The following PCDH9 variants were observed in gnomAD, a reference collection of about 807,000 sequenced individuals.
The protein encoded by PCDH9 is protocadherin 9, also known as protocadherin-9.
PCDH9 carries 24 observed loss-of-function variants against 70.6 expected under a neutral mutation model. That is an observed-to-expected ratio of 0.34 (90% CI 0.25 to 0.48). The LOEUF (loss-of-function observed/expected upper bound fraction) is 0.48, where lower values mean the gene tolerates loss of function less well. Ranked by LOEUF, PCDH9 falls within the 20% of genes least tolerant of loss-of-function variation. The pLI, the probability that PCDH9 is intolerant of heterozygous loss-of-function variation, is 0.99. For missense variants in PCDH9, 1,281 were observed against 1,503.6 expected (o/e 0.85, Z 2.45); for synonymous variants, 562 against 558.5 (o/e 1.01, Z -0.09).
intron 2 of PCDH9, among the ~76,000 whole-genome samples, chr13:66,947,011 A>C (rs965670230): frequency 1.3e-5 from 2 of 152,152 alleles, no homozygotes; most frequent in Non-Finnish European, 2.9e-5. Flanking sequence ...CACAAGGATA[A>C]AAAATGTTAA....
intron 2 of PCDH9, chr13:67,206,294 T>C (rs1164964571): frequency 6.6e-6 from 1 of 152,282 alleles, no homozygotes; most frequent in Non-Finnish European, 1.5e-5. Flanking sequence ...GTCTCCCGAG[T>C]AGCTGGGACT....
At chr13:66,729,295 T>G (rs371727379) in intron 3 of PCDH9, among the ~76,000 whole-genome samples, 1 of 152,136 alleles carries the variant, frequency 6.6e-6, no homozygotes, top group African/African-American at 2.4e-5. Flanking sequence ...GGCTCAAAAT[T>G]CATCATAAAT....
At chr13:66,872,457 G>C (rs2081711694) in intron 3 of PCDH9, among the ~76,000 whole-genome samples, 1 of 152,000 alleles carries the variant, frequency 6.6e-6, no homozygotes, top group African/African-American at 2.4e-5. Flanking sequence ...ATAATGTTTA[G>C]AGAAGCATTA....
intron 2 of PCDH9, among the ~76,000 whole-genome samples, chr13:66,939,350 T>C (rs963425076): frequency 2.6e-5 from 4 of 152,128 alleles, no homozygotes; most frequent in African/African-American, 9.7e-5. Flanking sequence ...TTACTTAATG[T>C]AAACAAGTAA....
At chr13:66,511,369 C>T (rs1343120072) in intron 4 of PCDH9, among the ~76,000 whole-genome samples, 2 of 152,052 alleles carry the variant, frequency 1.3e-5, no homozygotes, top group African/African-American at 4.8e-5. Flanking sequence ...TTTAACCTCC[C>T]TGAGTATTAA....
At chr13:66,586,972 G>A (rs2076970892) in intron 4 of PCDH9, among the ~76,000 whole-genome samples, 1 of 151,936 alleles carries the variant, frequency 6.6e-6, no homozygotes, top group Admixed American at 6.6e-5. Flanking sequence ...TAACTTATTA[G>A]CAGGAAAAAT....
intron 2 of PCDH9, among the ~76,000 whole-genome samples, chr13:66,982,391 A>G (rs1302313535): frequency 5.3e-5 from 8 of 152,248 alleles, no homozygotes; most frequent in Admixed American, 5.2e-4. Flanking sequence ...GTTTGCCTAT[A>G]GAACGCACTT....
chr13:66,461,097 A>G (rs996169240), intron 4 of PCDH9, among the ~76,000 whole-genome samples: 1 of 151,810 alleles, frequency 6.6e-6, no homozygotes, highest in Admixed American at 6.6e-5. Flanking sequence ...TAGCCTCAAG[A>G]GACTGCCTTC....
At chr13:66,453,481 C>T (rs766946801) in intron 4 of PCDH9, among the ~76,000 whole-genome samples, 10 of 151,800 alleles carry the variant, frequency 6.6e-5, no homozygotes, top group Non-Finnish European at 1.5e-4. Flanking sequence ...TAATCTATCC[C>T]CAGGAAATCA....
At position 67,228,103 on chromosome 13, in the gene PCDH9, A is replaced by G; in HGVS notation, c.338T>C (p.Leu113Pro). ...YAEENECFFE[L>P]EVVILPNDFF... The stretch of plus-strand genomic sequence containing the variant: ...ATCATTGGGGAGGATCACCACCTCA[A>G]GTTCAAAGAAACACTCATTCTCCTC... Residue 113 changes from leucine (L) to proline (P), a missense_variant, in exon 2 of 5, where the codon CTT (leucine) becomes CCT (proline). By Grantham distance (98) the Leu-to-Pro change is moderately conservative. This residue lies in a region of PCDH9 where 798 missense variants were observed against 1,003.1 expected (regional missense o/e 0.80). Transcript: ENST00000377865. 1.2e-6 allele frequency: 2 copies of G among 1,614,142 alleles called. No homozygotes were observed. Among genetic ancestry groups the G allele is most frequent in the Non-Finnish European group, 8.5e-7 (1 of 1,180,008 alleles).
Position 66,762,156 on chromosome 13 carries a change from G to A in PCDH9, c.3139-130745C>T, listed in dbSNP as rs535217514. Among the ~76,000 whole-genome samples, 10 of 152,150 alleles carry A rather than the reference G, an allele frequency of 6.6e-5. No individual in the cohort carries two copies. The East Asian group carries it at 1.4e-3, about 21-fold the overall frequency. ...AGAACCACCATGGTTGGTGCAGTGC[G>A]ATGCTGGAATTCCATGGCTGCTGAG... On this transcript the variant is annotated intron_variant, in intron 3 of 4. Coordinates refer to ENST00000377865, the MANE Select transcript of PCDH9 (RefSeq NM_203487.3).
intron 4 of PCDH9, among the ~76,000 whole-genome samples, chr13:66,399,140 G>A (rs1957149054): frequency 1.3e-5 from 2 of 152,040 alleles, no homozygotes; most frequent in South Asian, 4.2e-4. Context: ...TAGATGCACA[G>A]TGGAGTATCA....
chr13:66,472,114 A>G (rs893325738), intron 4 of PCDH9, among the ~76,000 whole-genome samples: 11 of 150,452 alleles, frequency 7.3e-5, no homozygotes, highest in South Asian at 2.1e-4. Flanking sequence ...CAGGAGGCTG[A>G]GGCAAAAGAA....
intron 2 of PCDH9, among the ~76,000 whole-genome samples, chr13:67,104,378 A>G (rs983056193): frequency 6.6e-6 from 1 of 152,202 alleles, no homozygotes; most frequent in African/African-American, 2.4e-5. Context: ...TATATCAATG[A>G]CAGGGGCTGT....
intron 2 of PCDH9, among the ~76,000 whole-genome samples, chr13:67,026,468 G>A (rs2084783620): frequency 6.6e-6 from 1 of 152,020 alleles, no homozygotes; most frequent in African/African-American, 2.4e-5. Context: ...TACTGAATGG[G>A]CAAAAACTGG....
At chr13:66,429,063 C>T (rs1957722146) in intron 4 of PCDH9, among the ~76,000 whole-genome samples, 1 of 151,736 alleles carries the variant, frequency 6.6e-6, no homozygotes, top group African/African-American at 2.4e-5. Context: ...CTAGCACATG[C>T]AGTTTTATAT....
intron 4 of PCDH9, among the ~76,000 whole-genome samples, chr13:66,418,243 A>G (rs759870949): frequency 1.3e-5 from 2 of 152,116 alleles, no homozygotes; most frequent in African/African-American, 2.4e-5. Flanking sequence ...AGTTTTCCAA[A>G]CACCATTTAT....
chr13:66,490,643 G>A (rs917202173), intron 4 of PCDH9, among the ~76,000 whole-genome samples: 1 of 152,018 alleles, frequency 6.6e-6, no homozygotes, highest in African/African-American at 2.4e-5. Context: ...AATAGGTGAG[G>A]TGGTGGTCTA....
At chr13:67,001,184 C>T (rs2139820184) in intron 2 of PCDH9, among the ~76,000 whole-genome samples, 1 of 152,248 alleles carries the variant, frequency 6.6e-6, no homozygotes, top group Admixed American at 6.5e-5. Context: ...TTTATAACAA[C>T]ATACATAAAT....
Sources: gnomAD v4.1 joint callset for allele counts (sites outside exome capture counted in the v4.1 genomes callset) on GRCh38, gnomAD v4.1.1 for gene constraint, gnomAD v4.1.1 regional missense constraint, MANE v1.5 for transcripts, NCBI Gene and HGNC (gene_info 2026-07-23, HGNC 2026-07-21) for gene names.